Variants in CNTNAP5 observed in about 807,000 individuals in gnomAD.
CNTNAP5 encodes contactin-associated protein-like 5.
CNTNAP5 carries 72 observed loss-of-function variants against 150.2 expected under a neutral mutation model. That is an observed-to-expected ratio of 0.48 (90% CI 0.40 to 0.58). The LOEUF (loss-of-function observed/expected upper bound fraction) is 0.58, where lower values mean the gene tolerates loss of function less well. Among genes scored for constraint, CNTNAP5 ranks in the 20% least tolerant of loss-of-function variants. The probability of loss-of-function intolerance (pLI) is 0.00; values close to 1 mark genes in which losing one functional copy is unlikely to be tolerated. For missense variants in CNTNAP5, 1,636 were observed against 1,626.2 expected (o/e 1.01, Z -0.10); for synonymous variants, 672 against 619.8 (o/e 1.08, Z -1.25).
At chr2:124,219,793 T>C (rs1437342831) in intron 1 of CNTNAP5, among the ~76,000 whole-genome samples, 4 of 152,156 alleles carry the variant, frequency 2.6e-5, no homozygotes, top group Admixed American at 2.0e-4. Context: ...ACAAGTGCTT[T>C]GAGGTATGTA....
chr2:124,136,257 T>A (rs1683969530), intron 1 of CNTNAP5, among the ~76,000 whole-genome samples: 1 of 152,180 alleles, frequency 6.6e-6, no homozygotes, highest in Non-Finnish European at 1.5e-5. Flanking sequence ...GCTTTCATAT[T>A]TTGAGCTTTC....
At chr2:124,846,930 C>T (rs6709530) in intron 19 of CNTNAP5, among the ~76,000 whole-genome samples, 1 of 152,164 alleles carries the variant, frequency 6.6e-6, no homozygotes, top group Non-Finnish European at 1.5e-5. Flanking sequence ...GATTTGCCTT[C>T]TGATCTTGCA....
At chr2:124,309,378 G>A (rs943633771) in intron 3 of CNTNAP5, among the ~76,000 whole-genome samples, 1 of 152,176 alleles carries the variant, frequency 6.6e-6, no homozygotes, top group African/African-American at 2.4e-5. Flanking sequence ...TTCAGTAAAG[G>A]AGAATAAGTA....
chr2:124,510,430 C>A (rs2104870834), intron 8 of CNTNAP5, among the ~76,000 whole-genome samples: 1 of 111,994 alleles, frequency 8.9e-6, no homozygotes, highest in African/African-American at 3.5e-5. Context: ...GGTGACAGAG[C>A]AAGACTCCAT....
At chr2:124,297,725 G>C (rs975921930) in intron 3 of CNTNAP5, among the ~76,000 whole-genome samples, 1 of 151,744 alleles carries the variant, frequency 6.6e-6, no homozygotes, top group Non-Finnish European at 1.5e-5. Context: ...ATCACCAGAC[G>C]TAGTCTCCAT....
At chr2:124,455,791 A>C (rs1693104670) in intron 6 of CNTNAP5, among the ~76,000 whole-genome samples, 2 of 152,330 alleles carry the variant, frequency 1.3e-5, no homozygotes, top group South Asian at 4.1e-4. Context: ...TATACACTAC[A>C]TAAACAGAAT....
chr2:124,485,278 C>T (rs1192750767), intron 7 of CNTNAP5, among the ~76,000 whole-genome samples: 3 of 152,144 alleles, frequency 2.0e-5, no homozygotes, highest in African/African-American at 7.2e-5. Context: ...GAAATGTTCT[C>T]TCTGCCCACC....
intron 17 of CNTNAP5, among the ~76,000 whole-genome samples, chr2:124,785,310 G>T (rs1681541570): frequency 6.6e-6 from 1 of 152,164 alleles, no homozygotes; most frequent in Non-Finnish European, 1.5e-5. Context: ...GCTGACCCCA[G>T]TGCAGTTGAG....
At chr2:124,761,045 G>T (rs1206594873) in intron 14 of CNTNAP5, among the ~76,000 whole-genome samples, 1 of 152,218 alleles carries the variant, frequency 6.6e-6, no homozygotes, top group East Asian at 1.9e-4. Flanking sequence ...TCTCTCAACT[G>T]TACTTAGGAA....
At chr2:124,136,623 G>A (rs143176633) in intron 1 of CNTNAP5, among the ~76,000 whole-genome samples, 18 of 152,248 alleles carry the variant, frequency 1.2e-4, no homozygotes, top group African/African-American at 2.4e-4. Context: ...GGTACTTGAC[G>A]TACAGTTTCT....
intron 22 of CNTNAP5, among the ~76,000 whole-genome samples, chr2:124,904,056 AAAAAAAAAC>A (rs1349723740): frequency 4.8e-5 from 7 of 146,310 alleles, no homozygotes; most frequent in African/African-American, 8.0e-5. Context: ...TCTGTTTCAA[AAAAAAAAAC>A]AAAAAAAAAA....
chr2:124,409,915 T>C (rs1459596213), intron 3 of CNTNAP5, among the ~76,000 whole-genome samples: 1 of 150,910 alleles, frequency 6.6e-6, no homozygotes, highest in African/African-American at 2.4e-5. Flanking sequence ...ATGCTCCAAT[T>C]AAAAGACACA....
rs1233592114 is a variant in CNTNAP5, at chr2:124,324,091, A to G, written c.381+81698A>G. On this transcript the variant is annotated intron_variant, in intron 3 of 23. Transcript: ENST00000682447. Reference sequence around the variant, plus strand: ...TGTCTTTTTAAAGACTTGACTATCTATTATGGGTTAAGTACTATGATGGAC... The same window carrying G: ...TGTCTTTTTAAAGACTTGACTATCTGTTATGGGTTAAGTACTATGATGGAC... Among the ~76,000 whole-genome samples, 5 of 152,232 alleles carry G rather than the reference A, an allele frequency of 3.3e-5. No homozygotes were observed. In the South Asian group the frequency reaches 1.0e-3, roughly 32 times the overall value.
intron 3 of CNTNAP5, among the ~76,000 whole-genome samples, chr2:124,355,642 G>A (rs1689979796): frequency 6.6e-6 from 1 of 152,174 alleles, no homozygotes; most frequent in Admixed American, 6.6e-5. Flanking sequence ...TGGGAAGTAA[G>A]ATTCTCCTAC....
chr2:124,174,757 C>G (rs1014535202), intron 1 of CNTNAP5, among the ~76,000 whole-genome samples: 2 of 152,176 alleles, frequency 1.3e-5, no homozygotes, highest in Non-Finnish European at 2.9e-5. Context: ...GAAAAACGTT[C>G]TACTTTGGAT....
At chr2:124,696,261 G>T (rs948714414) in intron 13 of CNTNAP5, among the ~76,000 whole-genome samples, 1 of 152,136 alleles carries the variant, frequency 6.6e-6, no homozygotes, top group Non-Finnish European at 1.5e-5. Flanking sequence ...GAATTCTTTT[G>T]CTGGTAAGTT....
Position 124,169,842 on chromosome 2 carries a change from A to C in CNTNAP5, c.83-51863A>C, listed in dbSNP as rs369914751. ...GGTTCTAAGAGCCAGCATCATCTGC[A>C]TAGAGCAAAGGTCCAACAATTGATC... On this transcript the variant is annotated intron_variant, in intron 1 of 23. Transcript: ENST00000682447. Among the ~76,000 whole-genome samples the C allele has an allele frequency of 4.4e-4, 67 of 152,330 alleles. 1 individual carries two copies. The South Asian group carries it at 7.9e-3, about 18-fold the overall frequency.
chr2:124,151,480 T>C (rs920108143), intron 1 of CNTNAP5, among the ~76,000 whole-genome samples: 4 of 152,198 alleles, frequency 2.6e-5, no homozygotes, highest in Non-Finnish European at 5.9e-5. Context: ...CTCTGCCACT[T>C]ACCAGTTGTG....
At chr2:124,848,052 G>A (rs376986004) in intron 19 of CNTNAP5, among the ~76,000 whole-genome samples, 4 of 151,974 alleles carry the variant, frequency 2.6e-5, no homozygotes, top group East Asian at 1.9e-4. Context: ...GTGATGGGTC[G>A]ATACATATAA....
Sources: gnomAD v4.1 joint callset for allele counts (sites outside exome capture counted in the v4.1 genomes callset) on GRCh38, gnomAD v4.1.1 for gene constraint, MANE v1.5 for transcripts, NCBI Gene and HGNC (gene_info 2026-07-23, HGNC 2026-07-21) for gene names.